ACTR3: variants seen among roughly 807,000 people sequenced by gnomAD.
ACTR3 encodes actin-related protein 3.
Under a neutral mutation model 56.8 loss-of-function variants are expected in ACTR3, and 12 were observed. The observed-to-expected ratio is 0.21, with a 90% CI of 0.14 to 0.34. The LOEUF is 0.34. Ranked by LOEUF, ACTR3 falls within the 10% of genes least tolerant of loss-of-function variation. The pLI, the probability that ACTR3 is intolerant of heterozygous loss-of-function variation, is 1.00. For synonymous variants in ACTR3, 162 were observed against 167.4 expected (o/e 0.97, Z 0.25); for missense variants, 282 against 512.5 (o/e 0.55, Z 4.34).
chr2:113,961,251 A>G lies in ACTR3; in HGVS notation c.*3796A>G, dbSNP rs902193323. On this transcript the variant is annotated 3_prime_UTR_variant, in exon 12 of 12. Coordinates refer to ENST00000263238, the MANE Select transcript of ACTR3 (RefSeq NM_005721.5). The stretch of plus-strand genomic sequence containing the variant: ...AATAAAATCTGTGGTCGTCTGAGGT[A>G]TTCTCCATGCTATAACCCAGTTTAG... 2.0e-5 allele frequency: 3 copies of G among 152,026 alleles called. No homozygotes were observed. The highest frequency in any genetic ancestry group is 7.2e-5 in the African/African-American group (3 of 41,426). The allele number at this position is 152,026 out of a possible 1,614,324, so 9.4% of individuals were successfully genotyped here.
intron 1 of ACTR3, among the ~76,000 whole-genome samples, chr2:113,901,340 AAG>A (rs1679096338): frequency 6.6e-6 from 1 of 152,238 alleles, no homozygotes; most frequent in Non-Finnish European, 1.5e-5. Flanking sequence ...CCTGGGCAAT[AAG>A]AGCGAAACTC....
intron 1 of ACTR3, among the ~76,000 whole-genome samples, chr2:113,907,276 A>G (rs1456206290): frequency 1.3e-5 from 2 of 152,136 alleles, no homozygotes; most frequent in African/African-American, 4.8e-5. Context: ...TTGTAATTTT[A>G]TAATAATTTT....
intron 8 of ACTR3, among the ~76,000 whole-genome samples, chr2:113,949,670 T>G (rs1336793027): frequency 1.3e-5 from 2 of 152,074 alleles, no homozygotes; most frequent in Non-Finnish European, 2.9e-5. Context: ...CAAGCAATCC[T>G]TTTTCCTCAG....
intron 1 of ACTR3, among the ~76,000 whole-genome samples, chr2:113,899,289 A>G (rs10173854): frequency 1.4e-3 from 217 of 152,332 alleles, no homozygotes; most frequent in African/African-American, 4.9e-3. Context: ...TTGAAAATGA[A>G]TAATCTCCAC....
chr2:113,912,208 G>T (rs1313854158), intron 1 of ACTR3, among the ~76,000 whole-genome samples: 1 of 151,352 alleles, frequency 6.6e-6, no homozygotes, highest in Non-Finnish European at 1.5e-5. Context: ...TTTTATCTTA[G>T]AAAAAAGATT....
intron 3 of ACTR3, among the ~76,000 whole-genome samples, chr2:113,922,395 A>G (rs1259500847): frequency 6.6e-6 from 1 of 152,206 alleles, no homozygotes; most frequent in African/African-American, 2.4e-5. Context: ...AGTAAATGAG[A>G]AAAAAGGCTA....
At chr2:113,931,230 T>C in intron 4 of ACTR3, 71 bp from the exon 5 acceptor site, 1 of 910,204 alleles carries the variant, frequency 1.1e-6, no homozygotes, top group Non-Finnish European at 1.6e-6. Context: ...TTACTTCTCA[T>C]TTAAAAATTG....
At chr2:113,944,390 A>G (rs1679978012) in intron 8 of ACTR3, among the ~76,000 whole-genome samples, 2 of 152,082 alleles carry the variant, frequency 1.3e-5, no homozygotes, top group African/African-American at 4.8e-5. Flanking sequence ...AAAATGAACT[A>G]GGAAGGGCAG....
intron 1 of ACTR3, among the ~76,000 whole-genome samples, chr2:113,893,571 T>C (rs1219034719): frequency 2.0e-5 from 3 of 152,100 alleles, no homozygotes; most frequent in African/African-American, 7.2e-5. Context: ...GGATTACAGG[T>C]GTGAGCCACC....
Position 113,934,332 on chromosome 2 carries a change from G to A in ACTR3, c.486G>A (p.Thr162=), listed in dbSNP as rs750467993. ...CCTCAAGACAAGTAGGAGAACGGAC[G>A]TTGACCGGTACGGTAATAGACAGTG... ...SWTSRQVGER[T]LTGTVIDSGD... is the part of the protein sequence containing the mutation. Residue 162 remains threonine, a synonymous_variant, in exon 6 of 12, where the codon ACG becomes ACA. Coordinates refer to ENST00000263238, the MANE Select transcript of ACTR3 (RefSeq NM_005721.5). 15 of 1,609,706 alleles carry A rather than the reference G, an allele frequency of 9.3e-6. No homozygotes were observed. In the East Asian group the frequency reaches 2.0e-4, roughly 22 times the overall value.
intron 1 of ACTR3, among the ~76,000 whole-genome samples, chr2:113,898,009 G>A (rs6724586): frequency 0.058 from 8,851 of 152,192 alleles, 762 homozygotes; most frequent in African/African-American, 0.18. Flanking sequence ...TAGTGTAAAG[G>A]AGAGGTTACA....
At chr2:113,928,625 C>A (rs1679661541) in intron 4 of ACTR3, among the ~76,000 whole-genome samples, 2 of 152,146 alleles carry the variant, frequency 1.3e-5, no homozygotes, top group Admixed American at 6.5e-5. Context: ...CCTGTCACAG[C>A]TACTCAGCTG....
At chr2:113,890,632 G>A (rs1678871371) in intron 1 of ACTR3, 2 of 1,276,506 alleles carry the variant, frequency 1.6e-6, no homozygotes, top group African/African-American at 3.1e-5. Context: ...AGGGCGCTGG[G>A]GACGGTCGTC....
intron 11 of ACTR3, among the ~76,000 whole-genome samples, chr2:113,956,317 G>GTT (rs1337226876): frequency 6.6e-6 from 1 of 150,720 alleles, no homozygotes; most frequent in Non-Finnish European, 1.5e-5. Context: ...GTATATATGT[G>GTT]TTTGTAGTAT....
At chr2:113,941,403 A>T (rs555639010) in intron 7 of ACTR3, among the ~76,000 whole-genome samples, 1 of 152,264 alleles carries the variant, frequency 6.6e-6, no homozygotes, top group South Asian at 2.1e-4. Flanking sequence ...CTCACTTCCA[A>T]GGTTTGGAGA....
chr2:113,950,398 T>C (rs1254215196), intron 8 of ACTR3, among the ~76,000 whole-genome samples: 1 of 152,196 alleles, frequency 6.6e-6, no homozygotes, highest in African/African-American at 2.4e-5. Context: ...CACTTGTTTA[T>C]AGTATGAGAG....
chr2:113,907,247 C>T (rs1679212030), intron 1 of ACTR3, among the ~76,000 whole-genome samples: 1 of 152,076 alleles, frequency 6.6e-6, no homozygotes, highest in Non-Finnish European at 1.5e-5. Flanking sequence ...TTATGAATTA[C>T]TTTTTTGTTT....
intron 8 of ACTR3, among the ~76,000 whole-genome samples, chr2:113,948,571 A>C (rs1372565510): frequency 6.6e-6 from 1 of 152,138 alleles, no homozygotes; most frequent in Non-Finnish European, 1.5e-5. Flanking sequence ...GTTACATTAT[A>C]ATTTCAAGTA....
intron 1 of ACTR3, among the ~76,000 whole-genome samples, chr2:113,898,083 G>A (rs1679041921): frequency 6.6e-6 from 1 of 151,954 alleles, no homozygotes; most frequent in Admixed American, 6.6e-5. Flanking sequence ...TTTAGGGTTG[G>A]CTTAATCTAC....
Sources: gnomAD v4.1 joint callset for allele counts (sites outside exome capture counted in the v4.1 genomes callset) on GRCh38, gnomAD v4.1.1 for gene constraint, MANE v1.5 for transcripts, NCBI Gene and HGNC (gene_info 2026-07-23, HGNC 2026-07-21) for gene names.